The following PCDHGA4 variants were observed in gnomAD, a reference collection of about 807,000 sequenced individuals.
The protein encoded by PCDHGA4 is protocadherin gamma-A4.
In PCDHGA4, 38 loss-of-function variants were observed where a neutral mutation model predicts 54.6. The observed-to-expected ratio is 0.70, with a 90% CI of 0.54 to 0.91. The LOEUF is 0.91. Among genes scored for constraint, PCDHGA4 ranks in the 40% least tolerant of loss-of-function variants. PCDHGA4 has a pLI of 0.00. For synonymous variants in PCDHGA4, 511 were observed against 512.9 expected (o/e 1.00, Z 0.05); for missense variants, 1,298 against 1,220.9 (o/e 1.06, Z -0.94).
At chr5:141,430,078 T>A (rs911861599) in intron 1 of PCDHGA4, among the ~76,000 whole-genome samples, 2 of 152,282 alleles carry the variant, frequency 1.3e-5, no homozygotes, top group Admixed American at 1.3e-4. Context: ...TTCCATAATA[T>A]CATGAAAATT....
chr5:141,487,661 C>A lies in PCDHGA4; in HGVS notation c.2515-7146C>A. ...ACAAATGCTTGAGGGTTATTCTGATCCAGGCATATGGCTAGGCCATGTCCT... is the reference window on the plus strand; with the variant it reads ...ACAAATGCTTGAGGGTTATTCTGATACAGGCATATGGCTAGGCCATGTCCT... On this transcript the variant is annotated intron_variant, in intron 1 of 3. Transcript: ENST00000571252. This position sits in a 1 kb window ranked among gnomAD's most constrained non-coding sequence, Gnocchi z 5.0. The A allele has an allele frequency of 6.2e-7, 1 of 1,613,366 alleles. No homozygotes were observed. Among genetic ancestry groups the A allele is most frequent in the Non-Finnish European group, 8.5e-7 (1 of 1,179,646 alleles).
rs2233603 is a variant in PCDHGA4 at position 141,490,063 on chromosome 5, G to A, written c.2515-4744G>A. 1,259 of 1,614,208 alleles carry A rather than the reference G, an allele frequency of 7.8e-4. 6 individuals carry two copies. The African/African-American group carries it at 0.013, about 16-fold the overall frequency. On this transcript the variant is annotated intron_variant, in intron 1 of 3. Transcript: ENST00000571252. The surrounding 1 kb of genome is among the most constrained non-coding windows in gnomAD (Gnocchi z 5.4). ...CACTGATCCAGACGAGGGCACCAAC[G>A]GCCAACTAGACTATTCTTTTGGAGA...
intron 1 of PCDHGA4, among the ~76,000 whole-genome samples, chr5:141,483,322 G>C (rs1325809962): frequency 1.3e-5 from 2 of 152,110 alleles, no homozygotes. Flanking sequence ...TGGGACTGGA[G>C]GCAAAGAGAT....
chr5:141,374,437 C>A (rs549456032), intron 1 of PCDHGA4: 1 of 1,613,846 alleles, frequency 6.2e-7, no homozygotes, highest in South Asian at 1.1e-5. Flanking sequence ...ATCTTTATCC[C>A]GTGGAAGTGG....
At chr5:141,422,639 C>G (rs777330051) in intron 1 of PCDHGA4, 1 of 1,612,662 alleles carries the variant, frequency 6.2e-7, no homozygotes. Flanking sequence ...AGGGGTGCCT[C>G]CATCTTCTCA....
chr5:141,403,749 C>T (rs759577178), intron 1 of PCDHGA4: 2 of 1,613,652 alleles, frequency 1.2e-6, no homozygotes, highest in Non-Finnish European at 1.7e-6. Context: ...ACTGCAACAG[C>T]CAGCGACCTG....
chr5:141,454,798 T>A (rs866302149), intron 1 of PCDHGA4, among the ~76,000 whole-genome samples: 2 of 58,950 alleles, frequency 3.4e-5, no homozygotes, highest in Non-Finnish European at 6.4e-5. Context: ...TGGTTCTAAT[T>A]TTTTTTTTTT....
chr5:141,385,545 A>G, intron 1 of PCDHGA4: 1 of 1,319,590 alleles, frequency 7.6e-7, no homozygotes, highest in Non-Finnish European at 9.7e-7. Flanking sequence ...TATGTGGACT[A>G]TCACATTTTA....
intron 1 of PCDHGA4, chr5:141,360,666 C>T (rs79500662): frequency 0.014 from 21,810 of 1,613,996 alleles, 195 homozygotes; most frequent in Non-Finnish European, 0.016. Context: ...ACAACGAGTA[C>T]TTTGATCTCG....
intron 1 of PCDHGA4, among the ~76,000 whole-genome samples, chr5:141,469,808 A>C (rs1253675252): frequency 2.0e-5 from 3 of 152,174 alleles, no homozygotes; most frequent in Admixed American, 6.5e-5. Flanking sequence ...AAAACATTGT[A>C]GATAGAATGG....
In PCDHGA4 at chr5:141,486,474, C is replaced by T. The variant is rs1594589698; in HGVS notation, c.2515-8333C>T. On this transcript the variant is annotated intron_variant, in intron 1 of 3. Transcript: ENST00000571252. This position sits in a 1 kb window ranked among gnomAD's most constrained non-coding sequence, Gnocchi z 5.0. ...ACTGCTTCTGATGCTGGGAACCCTCCTCTCAGTACCCACAGAACTATTTTC... is the reference window on the plus strand; with the variant it reads ...ACTGCTTCTGATGCTGGGAACCCTCTTCTCAGTACCCACAGAACTATTTTC... 1 of 1,614,016 alleles carries T rather than the reference C, an allele frequency of 6.2e-7. No homozygotes were observed. Among genetic ancestry groups the T allele is most frequent in the South Asian group, 1.1e-5 (1 of 91,082 alleles).
At chr5:141,376,589 C>T (rs774042696) in intron 1 of PCDHGA4, 3 of 1,568,090 alleles carry the variant, frequency 1.9e-6, no homozygotes, top group Non-Finnish European at 2.6e-6. Context: ...TCAGCTAGAT[C>T]GGCTGTTATA....
intron 1 of PCDHGA4, chr5:141,404,187 G>A (rs370199750): frequency 3.1e-6 from 5 of 1,613,124 alleles, no homozygotes; most frequent in African/African-American, 1.3e-5. Context: ...ATTCTTGACC[G>A]AGAAAAAGCC....
intron 1 of PCDHGA4, chr5:141,422,118 ACAAACTGGAGAAGTT>A (rs1243312753): frequency 6.2e-7 from 1 of 1,604,312 alleles, no homozygotes; most frequent in Non-Finnish European, 8.5e-7. Flanking sequence ...AATTGGATTC[ACAAACTGGAGAAGTT>A]CAAGTACGGG....
At chr5:141,506,076 T>C (rs2154593839) in intron 3 of PCDHGA4, among the ~76,000 whole-genome samples, 1 of 152,244 alleles carries the variant, frequency 6.6e-6, no homozygotes, top group South Asian at 2.1e-4. Flanking sequence ...TCCTTTGTAA[T>C]AGAGATTCGG....
Position 141,476,598 on chromosome 5 carries a change from A to G in PCDHGA4, c.2515-18209A>G, listed in dbSNP as rs1222456783. The G allele has an allele frequency of 6.2e-7, 1 of 1,614,238 alleles. No homozygotes were observed. Among genetic ancestry groups the G allele is most frequent in the South Asian group, 1.1e-5 (1 of 91,088 alleles). On this transcript the variant is annotated intron_variant, in intron 1 of 3. Transcript: ENST00000571252. This position sits in a 1 kb window ranked among gnomAD's most constrained non-coding sequence, Gnocchi z 7.6. ...CGCTTTCCGCTCGAGAGCGCGCACG[A>G]TCCCGATGTGGGAAGCAACTCTTTA... is the stretch of plus-strand genomic sequence containing the variant.
At position 141,502,866 on chromosome 5, in the gene PCDHGA4, C is replaced by CTTTTTTTTTTT. The variant is rs549047197; in HGVS notation, c.2574-2523_2574-2513dup. Among the ~76,000 whole-genome samples the CTTTTTTTTTTT allele has an allele frequency of 4.4e-4, 56 of 128,014 alleles. 1 individual carries two copies. The highest frequency in any genetic ancestry group is 5.1e-4 in the Non-Finnish European group (32 of 62,412). The allele number at this position is 128,014 out of a possible 152,430, so 84.0% of individuals were successfully genotyped here. ...GAGCTGCCTAACCCTGACTCTCTGTCTTTTTTTTTTTTTTGACAGGGAGTC... is the reference window on the plus strand; with the variant it reads ...GAGCTGCCTAACCCTGACTCTCTGTCTTTTTTTTTTTTTTTTTTTTTTTTTGACAGGGAGTC... On this transcript the variant is annotated intron_variant, in intron 2 of 3. Coordinates refer to ENST00000571252, the MANE Select transcript of PCDHGA4 (RefSeq NM_018917.4).
chr5:141,384,703 G>C lies in PCDHGA4; in HGVS notation c.2514+27082G>C, dbSNP rs776947081. ...GGTGGACAAAGATTCAGGCCAGAAC[G>C]CCTGGCTGTCATACCTCCTGCTTAA... On this transcript the variant is annotated intron_variant, in intron 1 of 3. Transcript: ENST00000571252. 2 of 1,613,982 alleles carry C rather than the reference G, an allele frequency of 1.2e-6. No individual in the cohort carries two copies. Among genetic ancestry groups the C allele is most frequent in the African/African-American group, 1.3e-5 (1 of 74,932 alleles).
chr5:141,478,076 C>G (rs1486983629), intron 1 of PCDHGA4: 2 of 1,614,106 alleles, frequency 1.2e-6, no homozygotes, highest in Non-Finnish European at 1.7e-6. Context: ...CAATGGGGAG[C>G]CTTCGCTCTC....
Sources: gnomAD v4.1 joint callset for allele counts (sites outside exome capture counted in the v4.1 genomes callset) on GRCh38, gnomAD v4.1.1 for gene constraint, Gnocchi (gnomAD v3.1) non-coding constraint, MANE v1.5 for transcripts, NCBI Gene and HGNC (gene_info 2026-07-23, HGNC 2026-07-21) for gene names.